TBC1D5: variants seen among roughly 807,000 people sequenced by gnomAD.
TBC1D5 encodes TBC1 domain family member 5.
TBC1D5 carries 75 observed loss-of-function variants against 100.3 expected under a neutral mutation model. The ratio of observed to expected loss-of-function variants is 0.75; its 90% CI spans 0.62 to 0.91. The LOEUF (loss-of-function observed/expected upper bound fraction) is 0.91, where lower values mean the gene tolerates loss of function less well. Ranked by LOEUF, TBC1D5 falls within the 40% of genes least tolerant of loss-of-function variation. The probability of loss-of-function intolerance (pLI) is 0.00; values close to 1 mark genes in which losing one functional copy is unlikely to be tolerated. For synonymous variants in TBC1D5, 323 were observed against 325.6 expected, an observed-to-expected ratio of 0.99 and a Z score of 0.09; for missense variants, 910 against 942.4, an observed-to-expected ratio of 0.97 and a Z score of 0.45.
At chr3:17,295,951 A>C (rs2082211069) in intron 14 of TBC1D5, among the ~76,000 whole-genome samples, 1 of 152,178 alleles carries the variant, frequency 6.6e-6, no homozygotes, top group Non-Finnish European at 1.5e-5. Context: ...CAGCACAGCC[A>C]AGGCCACAGA....
chr3:17,661,986 G>A (rs2066706912), intron 1 of TBC1D5, among the ~76,000 whole-genome samples: 2 of 151,990 alleles, frequency 1.3e-5, no homozygotes, highest in East Asian at 1.9e-4. Flanking sequence ...AAACTCCCGG[G>A]TTCAAGTAAT....
chr3:17,226,208 T>G (rs1377252628), intron 17 of TBC1D5, among the ~76,000 whole-genome samples: 1 of 150,924 alleles, frequency 6.6e-6, no homozygotes, highest in African/African-American at 2.4e-5. Flanking sequence ...GGATGTGGGC[T>G]CATCCAGGCT....
Position 17,409,525 on chromosome 3 carries a change from A to G in TBC1D5, c.168-2999T>C, listed in dbSNP as rs191876816. On this transcript the variant is annotated intron_variant, in intron 4 of 21. Transcript: ENST00000253692. ...TAAGCTTAGTGAGGAAGGTACATCTAAAGCCAAGTTAGACCAAAAGCTTGG... is the reference window on the plus strand; with the variant it reads ...TAAGCTTAGTGAGGAAGGTACATCTGAAGCCAAGTTAGACCAAAAGCTTGG... 2.6e-3 allele frequency among the ~76,000 whole-genome samples: 393 copies of G among 152,262 alleles called. 3 individuals carry two copies. Among genetic ancestry groups the G allele is most frequent in the Non-Finnish European group, 4.7e-3 (323 of 68,014 alleles).
intron 4 of TBC1D5, among the ~76,000 whole-genome samples, chr3:17,410,290 T>C (rs1413405052): frequency 6.6e-6 from 1 of 152,124 alleles, no homozygotes; most frequent in African/African-American, 2.4e-5. Context: ...AAACTATTGC[T>C]CAGGAAAAAA....
intron 13 of TBC1D5, among the ~76,000 whole-genome samples, chr3:17,324,410 G>A (rs773318100): frequency 7.2e-5 from 11 of 152,218 alleles, no homozygotes; most frequent in Admixed American, 1.3e-4. Flanking sequence ...GGGAGGCCGC[G>A]GCAGGCGGAT....
intron 3 of TBC1D5, among the ~76,000 whole-genome samples, chr3:17,439,980 G>T (rs2094615985): frequency 6.6e-6 from 1 of 152,106 alleles, no homozygotes; most frequent in African/African-American, 2.4e-5. Context: ...CATAAATTTA[G>T]ATGTAATAGT....
chr3:17,717,655 T>C (rs2075348752), intron 1 of TBC1D5, among the ~76,000 whole-genome samples: 1 of 152,190 alleles, frequency 6.6e-6, no homozygotes, highest in Non-Finnish European at 1.5e-5. Context: ...ATAGGTTAAA[T>C]GCTGAGTTAT....
intron 3 of TBC1D5, among the ~76,000 whole-genome samples, chr3:17,442,813 G>C (rs1468251732): frequency 1.3e-5 from 2 of 152,142 alleles, no homozygotes; most frequent in African/African-American, 4.8e-5. Flanking sequence ...AGAAACTGTG[G>C]TCTGAACTTA....
intron 1 of TBC1D5, among the ~76,000 whole-genome samples, chr3:17,708,734 T>C (rs2074413817): frequency 6.6e-6 from 1 of 152,230 alleles, no homozygotes; most frequent in Non-Finnish European, 1.5e-5. Flanking sequence ...ATTGATATAT[T>C]TTCCATTCTA....
At chr3:17,515,877 AT>A (rs1435366433) in intron 2 of TBC1D5, among the ~76,000 whole-genome samples, 1 of 152,206 alleles carries the variant, frequency 6.6e-6, no homozygotes, top group Non-Finnish European at 1.5e-5. Context: ...CAAAATTATA[AT>A]TTATGAAAAA....
chr3:17,373,949 C>T (rs993828294), intron 12 of TBC1D5, among the ~76,000 whole-genome samples: 1 of 151,880 alleles, frequency 6.6e-6, no homozygotes, highest in African/African-American at 2.4e-5. Context: ...TGCCTGCTAA[C>T]CCTATAAATA....
chr3:17,421,483 C>T (rs1166382353), intron 4 of TBC1D5, among the ~76,000 whole-genome samples: 1 of 152,080 alleles, frequency 6.6e-6, no homozygotes, highest in Non-Finnish European at 1.5e-5. Flanking sequence ...ATTCTTTACT[C>T]ATTTATTGCC....
At chr3:17,682,424 C>T (rs1455926871) in intron 1 of TBC1D5, among the ~76,000 whole-genome samples, 1 of 151,346 alleles carries the variant, frequency 6.6e-6, no homozygotes, top group African/African-American at 2.5e-5. Flanking sequence ...TTCCAAAAGC[C>T]ATAAAACATC....
intron 8 of TBC1D5, among the ~76,000 whole-genome samples, chr3:17,397,592 G>T (rs1380244623): frequency 1.3e-5 from 2 of 152,118 alleles, no homozygotes; most frequent in Non-Finnish European, 2.9e-5. Flanking sequence ...GCCCAGGCTG[G>T]TCTCAAATTC....
At chr3:17,364,312 A>G (rs2091960355) in intron 13 of TBC1D5, among the ~76,000 whole-genome samples, 1 of 151,976 alleles carries the variant, frequency 6.6e-6, no homozygotes, top group Non-Finnish European at 1.5e-5. Context: ...CCATTCATCC[A>G]TCTTCTCATG....
chr3:17,320,296 T>C (rs2085243594), intron 13 of TBC1D5, among the ~76,000 whole-genome samples: 1 of 152,232 alleles, frequency 6.6e-6, no homozygotes, highest in Admixed American at 6.5e-5. Context: ...AGCATCAGCA[T>C]CACATGAAAA....
At chr3:17,339,425 A>T (rs2088492470) in intron 13 of TBC1D5, among the ~76,000 whole-genome samples, 1 of 152,314 alleles carries the variant, frequency 6.6e-6, no homozygotes, top group African/African-American at 2.4e-5. Flanking sequence ...TTCACGTGGC[A>T]TCCGGTCTGA....
chr3:17,209,925 T>C (rs1199146213), intron 18 of TBC1D5, among the ~76,000 whole-genome samples: 1 of 152,194 alleles, frequency 6.6e-6, no homozygotes, highest in African/African-American at 2.4e-5. Flanking sequence ...TATTTAGCAG[T>C]GCTATAGTCT....
intron 16 of TBC1D5, 143 bp downstream of exon 16, chr3:17,258,363 A>G (rs2077932809): frequency 1.3e-6 from 1 of 769,960 alleles, no homozygotes; most frequent in African/African-American, 1.8e-5. Context: ...CTTTAAAATA[A>G]CTTGGGTAAT....
Sources: gnomAD v4.1 joint callset for allele counts (sites outside exome capture counted in the v4.1 genomes callset) on GRCh38, gnomAD v4.1.1 for gene constraint, MANE v1.5 for transcripts, NCBI Gene and HGNC (gene_info 2026-07-23, HGNC 2026-07-21) for gene names.